COL5A1: variants seen among roughly 807,000 people sequenced by gnomAD.
The protein encoded by COL5A1 is collagen type V alpha 1 chain, also known as collagen alpha-1(V) chain.
COL5A1 carries 16 observed loss-of-function variants against 263.7 expected under a neutral mutation model. That is an observed-to-expected ratio of 0.06 (90% CI 0.04 to 0.09). The LOEUF (loss-of-function observed/expected upper bound fraction) is 0.09, where lower values mean the gene tolerates loss of function less well. Among genes scored for constraint, COL5A1 ranks in the 10% least tolerant of loss-of-function variants. COL5A1 has a pLI of 1.00. For synonymous variants in COL5A1, 1,012 were observed against 1,004.5 expected (o/e 1.01, Z -0.14); for missense variants, 2,036 against 2,540.5 (o/e 0.80, Z 4.27).
chr9:134,748,111 A>G (rs564387972), intron 11 of COL5A1, among the ~76,000 whole-genome samples: 1 of 79,624 alleles, frequency 1.3e-5, no homozygotes, highest in African/African-American at 4.7e-5. Context: ...CCACACATGC[A>G]TACACAGACA....
At chr9:134,717,167 C>T (rs934391740) in intron 4 of COL5A1, among the ~76,000 whole-genome samples, 3 of 152,186 alleles carry the variant, frequency 2.0e-5, no homozygotes, top group African/African-American at 2.4e-5. Context: ...GTGCGCAGCG[C>T]TAAGGACGTC....
At position 134,818,975 on chromosome 9, in the gene COL5A1, C is replaced by G; in HGVS notation, c.4393-25C>G. 1 of 1,613,408 alleles carries G rather than the reference C, an allele frequency of 6.2e-7. No homozygotes were observed. The highest frequency in any genetic ancestry group is 1.1e-5 in the South Asian group (1 of 91,082). ...ACCCAAAGCCCCAAGGATGAGGACT[C>G]TGATCCCCCTGCCTCCTCCCACAGG... On this transcript the variant is annotated intron_variant, in intron 56 of 65. Coordinates refer to ENST00000371817, the MANE Select transcript of COL5A1 (RefSeq NM_000093.5). This position sits in a 1 kb window ranked among gnomAD's most constrained non-coding sequence, Gnocchi z 6.0.
At chr9:134,655,438 G>A (rs930860120) in intron 1 of COL5A1, among the ~76,000 whole-genome samples, 3 of 152,032 alleles carry the variant, frequency 2.0e-5, no homozygotes, top group Non-Finnish European at 4.4e-5. Flanking sequence ...GTCCTCATGA[G>A]CCTGAGCTCA....
intron 1 of COL5A1, among the ~76,000 whole-genome samples, chr9:134,669,235 T>C (rs113440770): frequency 0.055 from 1,094 of 20,064 alleles, 34 homozygotes; most frequent in Non-Finnish European, 0.066. Flanking sequence ...CCCTTCCCTT[T>C]CCTTCCCTTC....
rs1830097527 is a variant in COL5A1, at chr9:134,841,311, C to A, written c.5371-846C>A. Among the ~76,000 whole-genome samples the A allele has an allele frequency of 6.6e-6, 1 of 152,170 alleles. No homozygotes were observed. The highest frequency in any genetic ancestry group is 1.5e-5 in the Non-Finnish European group (1 of 68,030). Reference sequence around the variant, plus strand: ...GGGGGAAGTTGACGGGACAGCAGGGCCAGCTCAGCCTCAGTTATAAAGAAC... The same window carrying A: ...GGGGGAAGTTGACGGGACAGCAGGGACAGCTCAGCCTCAGTTATAAAGAAC... On this transcript the variant is annotated intron_variant, in intron 65 of 65. Transcript: ENST00000371817. This position sits in a 1 kb window ranked among gnomAD's most constrained non-coding sequence, Gnocchi z 4.8.
chr9:134,768,963 C>T (rs1836777932), intron 25 of COL5A1, among the ~76,000 whole-genome samples: 2 of 152,294 alleles, frequency 1.3e-5, no homozygotes, highest in South Asian at 4.2e-4. Flanking sequence ...CAATCTGTGT[C>T]TAAGCTGTGT....
At chr9:134,747,715 A>G (rs1034131419) in intron 11 of COL5A1, among the ~76,000 whole-genome samples, 5 of 144,044 alleles carry the variant, frequency 3.5e-5, no homozygotes, top group African/African-American at 1.4e-4. Flanking sequence ...GCATTCATAC[A>G]CACATGCAGA....
intron 1 of COL5A1, among the ~76,000 whole-genome samples, chr9:134,660,066 C>T (rs1242548412): frequency 2.6e-5 from 4 of 152,204 alleles, no homozygotes; most frequent in Non-Finnish European, 5.9e-5. Flanking sequence ...AATAGCATCA[C>T]AAAACCCCTC....
intron 1 of COL5A1, among the ~76,000 whole-genome samples, chr9:134,690,555 G>T (rs1833242903): frequency 6.6e-6 from 1 of 152,192 alleles, no homozygotes; most frequent in Admixed American, 6.5e-5. Flanking sequence ...TGTGGCCCCT[G>T]CCAGCCTCAG....
At chr9:134,774,110 A>C (rs377165686) in intron 26 of COL5A1, among the ~76,000 whole-genome samples, 66 of 152,194 alleles carry the variant, frequency 4.3e-4, no homozygotes, top group African/African-American at 1.5e-3. Flanking sequence ...TGGCTTTTCA[A>C]CTGGAACGAG....
chr9:134,720,647 T>C (rs960059447), intron 4 of COL5A1, among the ~76,000 whole-genome samples: 1 of 152,174 alleles, frequency 6.6e-6, no homozygotes, highest in Non-Finnish European at 1.5e-5. Context: ...TTTCGTGAGC[T>C]TCGGGCAGAG....
intron 5 of COL5A1, among the ~76,000 whole-genome samples, chr9:134,728,317 G>A (rs1423221026): frequency 6.6e-6 from 1 of 152,242 alleles, no homozygotes; most frequent in African/African-American, 2.4e-5. Flanking sequence ...CTGAAGGCCC[G>A]GGAGCCTGCT....
intron 1 of COL5A1, among the ~76,000 whole-genome samples, chr9:134,663,592 C>T (rs374403027): frequency 5.3e-5 from 8 of 152,078 alleles, no homozygotes; most frequent in African/African-American, 1.9e-4. Context: ...TTGGAAAACA[C>T]CAAAAAGTAT....
intron 2 of COL5A1, 131 bp from the exon 3 acceptor site, chr9:134,699,778 C>A: frequency 1.2e-6 from 1 of 851,182 alleles, no homozygotes; most frequent in South Asian, 1.4e-5. Context: ...AGATGTGCAG[C>A]AGATGGCAGT....
intron 1 of COL5A1, among the ~76,000 whole-genome samples, chr9:134,649,213 G>A (rs1279485048): frequency 1.3e-5 from 2 of 152,116 alleles, no homozygotes; most frequent in Admixed American, 1.3e-4. Context: ...GGAGGGGTGC[G>A]GGTCACTTTG....
intron 1 of COL5A1, among the ~76,000 whole-genome samples, chr9:134,665,076 G>A (rs563793258): frequency 3.9e-5 from 6 of 152,282 alleles, no homozygotes; most frequent in African/African-American, 1.2e-4. Flanking sequence ...GCGGGCGTCT[G>A]TAATCCCAGC....
At chr9:134,671,177 C>A (rs1168261404) in intron 1 of COL5A1, among the ~76,000 whole-genome samples, 1 of 152,244 alleles carries the variant, frequency 6.6e-6, no homozygotes, top group East Asian at 1.9e-4. Flanking sequence ...GCAGACGGAG[C>A]TGTTCAGACA....
intron 18 of COL5A1, among the ~76,000 whole-genome samples, chr9:134,760,372 C>CACA (rs201510102): frequency 1.2e-5 from 1 of 81,486 alleles, no homozygotes; most frequent in African/African-American, 6.9e-5. Context: ...TACACACACA[C>CACA]CACACATGCA....
intron 4 of COL5A1, chr9:134,709,277 G>A (rs912289742): frequency 2.9e-5 from 9 of 307,630 alleles, no homozygotes; most frequent in African/African-American, 1.1e-4. Flanking sequence ...CTGAGGCTTC[G>A]GGGTGGGCTG....
Sources: allele counts gnomAD v4.1 joint callset (sites outside exome capture counted in the v4.1 genomes callset), GRCh38; gene constraint gnomAD v4.1.1; non-coding constraint Gnocchi (gnomAD v3.1); transcripts MANE v1.5; gene names NCBI Gene and HGNC (gene_info 2026-07-23, HGNC 2026-07-21).